GPC6: variants seen among roughly 807,000 people sequenced by gnomAD.
GPC6 encodes glypican 6.
In GPC6, 14 loss-of-function variants were observed where a neutral mutation model predicts 55.2. The observed-to-expected ratio is 0.25, with a 90% CI of 0.17 to 0.40. The LOEUF is 0.40. Ranked by LOEUF, GPC6 falls within the 10% of genes least tolerant of loss-of-function variation. The probability of loss-of-function intolerance (pLI) is 1.00; values close to 1 mark genes in which losing one functional copy is unlikely to be tolerated. For missense variants in GPC6, 641 were observed against 708.5 expected, an observed-to-expected ratio of 0.90 and a Z score of 1.08; for synonymous variants, 278 against 259.6, an observed-to-expected ratio of 1.07 and a Z score of -0.68.
At chr13:93,991,929 T>C (rs925038988) in intron 3 of GPC6, among the ~76,000 whole-genome samples, 3 of 152,092 alleles carry the variant, frequency 2.0e-5, no homozygotes, top group Non-Finnish European at 2.9e-5. Context: ...TGTACATAAG[T>C]CCTAGAACTA....
intron 1 of GPC6, among the ~76,000 whole-genome samples, chr13:93,256,458 A>C (rs1347133314): frequency 1.3e-5 from 2 of 152,136 alleles, no homozygotes; most frequent in African/African-American, 4.8e-5. Context: ...TACAAATATG[A>C]AATATAAATA....
intron 1 of GPC6, among the ~76,000 whole-genome samples, chr13:93,534,838 G>A (rs1222459987): frequency 6.6e-6 from 1 of 152,098 alleles, no homozygotes; most frequent in Non-Finnish European, 1.5e-5. Context: ...CACATTTACA[G>A]TTTCTCTTTT....
chr13:93,298,900 GTT>G (rs138697717), intron 1 of GPC6, among the ~76,000 whole-genome samples: 9 of 140,416 alleles, frequency 6.4e-5, no homozygotes, highest in Admixed American at 7.2e-5. Flanking sequence ...TTCTCTTAGG[GTT>G]TTTTTTTTTT....
At chr13:94,266,345 T>G (rs954065640) in intron 4 of GPC6, among the ~76,000 whole-genome samples, 2 of 152,124 alleles carry the variant, frequency 1.3e-5, no homozygotes, top group African/African-American at 2.4e-5. Flanking sequence ...ATTTTTTGTA[T>G]TTTTAGTAGA....
At chr13:93,581,892 A>G (rs1334688175) in intron 2 of GPC6, among the ~76,000 whole-genome samples, 2 of 152,150 alleles carry the variant, frequency 1.3e-5, no homozygotes, top group African/African-American at 4.8e-5. Context: ...TATCAATTCT[A>G]GAAGAGAGGC....
chr13:93,743,217 G>A (rs1884268906), intron 2 of GPC6, among the ~76,000 whole-genome samples: 1 of 152,126 alleles, frequency 6.6e-6, no homozygotes, highest in East Asian at 1.9e-4. Flanking sequence ...GACACTGAAA[G>A]GTCAAGTAGA....
chr13:93,579,132 G>A (rs1876813639), intron 2 of GPC6, among the ~76,000 whole-genome samples: 1 of 152,008 alleles, frequency 6.6e-6, no homozygotes, highest in African/African-American at 2.4e-5. Flanking sequence ...AGGTTAATGG[G>A]TATAAATATA....
chr13:93,850,675 A>C (rs996933897), intron 3 of GPC6, among the ~76,000 whole-genome samples: 1 of 151,952 alleles, frequency 6.6e-6, no homozygotes, highest in African/African-American at 2.4e-5. Context: ...AACATAGGAG[A>C]AAATGTAAAG....
At chr13:94,368,481 G>A (rs1879385314) in intron 6 of GPC6, among the ~76,000 whole-genome samples, 1 of 151,998 alleles carries the variant, frequency 6.6e-6, no homozygotes, top group Non-Finnish European at 1.5e-5. Context: ...CATTACAGAG[G>A]GGCCAATCTG....
rs114211641 is a variant in GPC6 at position 93,866,705 on chromosome 13, A to G, written c.711+36160A>G. 6.8e-3 allele frequency among the ~76,000 whole-genome samples: 1,036 copies of G among 151,784 alleles called. 17 individuals are homozygous for G. Among genetic ancestry groups the G allele is most frequent in the African/African-American group, 0.023 (974 of 41,482 alleles). ...GACACACAGAAGGGAACAACACACA[A>G]TGGGGACTTTTGGAGTGTGAAGAGT... On this transcript the variant is annotated intron_variant, in intron 3 of 8. Coordinates refer to ENST00000377047, the MANE Select transcript of GPC6 (RefSeq NM_005708.5).
intron 2 of GPC6, among the ~76,000 whole-genome samples, chr13:93,789,509 C>CTCTCTCTCTCTATA (rs1363454667): frequency 1.1e-5 from 1 of 93,482 alleles, no homozygotes; most frequent in African/African-American, 4.2e-5. Context: ...CTCTCTCTCT[C>CTCTCTCTCTCTATA]TATATATATA....
chr13:93,371,338 C>T (rs973788404), intron 1 of GPC6, among the ~76,000 whole-genome samples: 7 of 151,890 alleles, frequency 4.6e-5, no homozygotes, highest in Non-Finnish European at 1.0e-4. Context: ...TCAGCCAAAT[C>T]TAGTTAGCTC....
At chr13:94,041,949 A>G (rs779653026) in intron 4 of GPC6, among the ~76,000 whole-genome samples, 3 of 151,856 alleles carry the variant, frequency 2.0e-5, no homozygotes, top group Non-Finnish European at 4.4e-5. Context: ...ACCATATGAT[A>G]TGGTTTGGAT....
intron 4 of GPC6, among the ~76,000 whole-genome samples, chr13:94,204,342 A>G (rs1889841953): frequency 6.6e-6 from 1 of 152,170 alleles, no homozygotes; most frequent in Non-Finnish European, 1.5e-5. Flanking sequence ...CATTCCACAC[A>G]ATGGGAAATG....
intron 1 of GPC6, among the ~76,000 whole-genome samples, chr13:93,275,555 T>A (rs1877704632): frequency 6.6e-6 from 1 of 152,154 alleles, no homozygotes; most frequent in African/African-American, 2.4e-5. Context: ...ATTAATTTCC[T>A]TGTAGTTTCA....
chr13:93,767,417 A>G (rs141521390), intron 2 of GPC6, among the ~76,000 whole-genome samples: 63 of 152,338 alleles, frequency 4.1e-4, no homozygotes, highest in African/African-American at 1.4e-3. Flanking sequence ...GTCAGTTAAA[A>G]AAGCAAATTT....
At chr13:94,299,612 A>G (rs890874563) in intron 5 of GPC6, among the ~76,000 whole-genome samples, 1 of 152,220 alleles carries the variant, frequency 6.6e-6, no homozygotes, top group African/African-American at 2.4e-5. Context: ...CCATATTCGG[A>G]CACAGCAAGA....
intron 3 of GPC6, among the ~76,000 whole-genome samples, chr13:93,853,827 T>C (rs936827717): frequency 3.3e-5 from 5 of 151,110 alleles, no homozygotes; most frequent in Non-Finnish European, 7.4e-5. Flanking sequence ...TGTGTTATTG[T>C]TGTCCTCACG....
chr13:94,257,485 C>A (rs202079286), intron 4 of GPC6, among the ~76,000 whole-genome samples: 2 of 152,148 alleles, frequency 1.3e-5, no homozygotes, highest in East Asian at 3.8e-4. Context: ...CTCGCCCTGG[C>A]CCTGGTCCAC....
Sources: gnomAD v4.1 joint callset for allele counts (sites outside exome capture counted in the v4.1 genomes callset) on GRCh38, gnomAD v4.1.1 for gene constraint, MANE v1.5 for transcripts, NCBI Gene and HGNC (gene_info 2026-07-23, HGNC 2026-07-21) for gene names.